Variants in TMPRSS5 observed in about 807,000 individuals in gnomAD.
TMPRSS5 encodes transmembrane protease serine 5.
A neutral mutation model predicts 59.7 loss-of-function variants in TMPRSS5; 45 were observed. That is an observed-to-expected ratio of 0.75 (90% CI 0.59 to 0.97). TMPRSS5 has a LOEUF of 0.97. Among genes scored for constraint, TMPRSS5 ranks in the 50% least tolerant of loss-of-function variants. The pLI is 0.00. For synonymous variants in TMPRSS5, 225 were observed against 232.0 expected (o/e 0.97, Z 0.27); for missense variants, 585 against 596.7 (o/e 0.98, Z 0.20).
At chr11:113,689,678 G>A (rs1388580362) in intron 12 of TMPRSS5, 87 bp downstream of exon 12, 5 of 1,469,036 alleles carry the variant, frequency 3.4e-6, no homozygotes, top group Non-Finnish European at 4.6e-6. Context: ...GTCCCCAGCA[G>A]GGCCCGGGCC....
chr11:113,688,182 C>A lies in TMPRSS5; in HGVS notation c.*78G>T. The A allele has an allele frequency of 6.5e-7, 1 of 1,531,542 alleles. No homozygotes were observed. Among genetic ancestry groups the A allele is most frequent in the South Asian group, 1.3e-5 (1 of 79,412 alleles). The allele number at this position is 1,531,542 out of a possible 1,614,324, so 94.9% of individuals were successfully genotyped here. A position where few individuals can be genotyped will look rare whatever the true frequency, so the allele number is the denominator to read the frequency against. ...TCTGTGTCGGAGGCTACTGCCTCTC[C>A]TCCATTAGTGGAGCTGCTGGAGGCC... is the stretch of plus-strand genomic sequence containing the variant. On this transcript the variant is annotated 3_prime_UTR_variant, in exon 13 of 13. Transcript: ENST00000299882.
chr11:113,699,853 A>G (rs1953075775), intron 2 of TMPRSS5, 160 bp from the exon 3 acceptor site: 1 of 1,415,056 alleles, frequency 7.1e-7, no homozygotes, highest in Admixed American at 2.1e-5. Context: ...GGGGCAGGGG[A>G]GGATGGAGAG....
At chr11:113,697,054 A>T in intron 5 of TMPRSS5, 83 bp from the exon 6 acceptor site, 2 of 1,205,314 alleles carry the variant, frequency 1.7e-6, no homozygotes, top group South Asian at 1.3e-5. Flanking sequence ...TGACCGCAAG[A>T]CTGTGATAAT....
In TMPRSS5 at chr11:113,690,928, C is replaced by A. The variant is rs117055692; in HGVS notation, c.976G>T (p.Ala326Ser). Residue 326 changes from alanine (A) to serine (S), a missense_variant, in exon 10 of 13, where the codon GCT (alanine) becomes TCT (serine). By Grantham distance (99) the Ala-to-Ser change is moderately conservative (BLOSUM62 1). Coordinates refer to ENST00000299882, the MANE Select transcript of TMPRSS5 (RefSeq NM_030770.4). ...TALNFSDTVG[A>S]VCLPAKEQHF... ...TGTTCCTTGGCCGGCAGGCACACAG[C>A]GCCCACAGTGTCTGTAGAGAGGCAC... The A allele has an allele frequency of 1.5e-3, 2,369 of 1,587,408 alleles. 7 individuals carry two copies. Among genetic ancestry groups the A allele is most frequent in the Middle Eastern group, 6.3e-3 (38 of 6,030 alleles).
In TMPRSS5 at chr11:113,688,188, T is replaced by C. The variant is rs1415584030; in HGVS notation, c.*72A>G. 1.7e-5 allele frequency: 26 copies of C among 1,537,932 alleles called. No homozygotes were observed. The Middle Eastern group carries it at 1.2e-3, about 71-fold the overall frequency. On this transcript the variant is annotated 3_prime_UTR_variant, in exon 13 of 13. Coordinates refer to ENST00000299882, the MANE Select transcript of TMPRSS5 (RefSeq NM_030770.4). The stretch of plus-strand genomic sequence containing the variant: ...TCGGAGGCTACTGCCTCTCCTCCAT[T>C]AGTGGAGCTGCTGGAGGCCCCAGGA...
chr11:113,691,892 C>CTTTTTCTTT (rs1952791096), intron 9 of TMPRSS5, among the ~76,000 whole-genome samples: 2 of 121,114 alleles, frequency 1.7e-5, no homozygotes, highest in African/African-American at 7.3e-5. Flanking sequence ...CCTTTTTTTT[C>CTTTTTCTTT]TTTTTTTTTT....
At chr11:113,694,290 T>C (rs2134797278) in intron 8 of TMPRSS5, 188 bp downstream of exon 8, 4 of 430,656 alleles carry the variant, frequency 9.3e-6, no homozygotes, top group East Asian at 3.6e-5. Flanking sequence ...CAAATCTTCA[T>C]ATTATTACTG....
intron 7 of TMPRSS5, among the ~76,000 whole-genome samples, chr11:113,695,090 T>C (rs902238115): frequency 6.6e-6 from 1 of 152,168 alleles, no homozygotes; most frequent in Admixed American, 6.5e-5. Context: ...AATAATAATT[T>C]CACCTCTGGG....
intron 3 of TMPRSS5, among the ~76,000 whole-genome samples, 184 bp from the exon 4 acceptor site, chr11:113,699,211 G>GTCTCTC (rs1221479693): frequency 1.6e-5 from 1 of 62,952 alleles, no homozygotes; most frequent in African/African-American, 5.3e-5. Flanking sequence ...TTGTCTGTCT[G>GTCTCTC]TCTCTCTCTC....
chr11:113,694,740 C>G (rs1281456858), intron 7 of TMPRSS5, 100 bp from the exon 8 acceptor site: 5 of 1,177,238 alleles, frequency 4.2e-6, no homozygotes, highest in Non-Finnish European at 5.8e-6. Context: ...CCCCAGAGAG[C>G]CAGTGTGGAC....
At position 113,700,092 on chromosome 11, in the gene TMPRSS5, G is replaced by A; in HGVS notation, c.80C>T (p.Ala27Val). Residue 27 changes from alanine (A) to valine (V), a missense_variant, in exon 2 of 13, where the codon GCA (alanine) becomes GTA (valine). Physicochemically the swap from Ala to Val is moderately conservative, Grantham distance 64. Transcript: ENST00000299882. ...GGGATGCTGCTGGTCTCCAGGCTCT[G>A]CTCTGAAGATCCCAGGTCCTGGGCC... ...EEGPGPGIFR[A>V]EPGDQQHPIS... The A allele has an allele frequency of 6.4e-7, 1 of 1,574,774 alleles. No homozygotes were observed. The highest frequency in any genetic ancestry group is 8.6e-7 in the Non-Finnish European group (1 of 1,159,686).
chr11:113,689,980 C>A (rs1952719475), intron 11 of TMPRSS5, 63 bp from the exon 12 acceptor site: 1 of 1,455,630 alleles, frequency 6.9e-7, no homozygotes, highest in South Asian at 1.4e-5. Context: ...ATGGAGAGCA[C>A]CAGACCACTA....
chr11:113,694,445 G>T, intron 8 of TMPRSS5, 33 bp downstream of exon 8: 1 of 1,549,432 alleles, frequency 6.5e-7, no homozygotes, highest in Non-Finnish European at 8.7e-7. Context: ...GGGCAACTGA[G>T]GCTCTCTGTC....
chr11:113,696,982 G>A lies in TMPRSS5; in HGVS notation c.465-11C>T, dbSNP rs767092848. The A allele has an allele frequency of 1.3e-6, 2 of 1,542,212 alleles. No homozygotes were observed. The highest frequency in any genetic ancestry group is 2.4e-5 in the South Asian group (2 of 84,294). ...TTGTGGTGAGTGAGTCTTGGCAGAA[G>A]AAGGGAATAGAACAGGAGGAAATCA... is the stretch of plus-strand genomic sequence containing the variant. On this transcript the variant is annotated splice_polypyrimidine_tract_variant and intron_variant, in intron 5 of 12. Transcript: ENST00000299882.
Position 113,689,985 on chromosome 11 carries a change from C to T in TMPRSS5, c.1207-68G>A, listed in dbSNP as rs753001453. On this transcript the variant is annotated intron_variant, in intron 11 of 12. Coordinates refer to ENST00000299882, the MANE Select transcript of TMPRSS5 (RefSeq NM_030770.4). Reference sequence around the variant, plus strand: ...GTTCTTCCTGATGGAGAGCACCAGACCACTATGGCAAGTGGAATCTCCTTA... The same window carrying T: ...GTTCTTCCTGATGGAGAGCACCAGATCACTATGGCAAGTGGAATCTCCTTA... 3.0e-4 allele frequency: 431 copies of T among 1,440,842 alleles called. 4 individuals are homozygous for T. In the Middle Eastern group the frequency reaches 3.9e-3, roughly 13 times the overall value. 89.3% of individuals were successfully genotyped at this position (1,440,842 alleles called of 1,614,324 possible).
intron 6 of TMPRSS5, among the ~76,000 whole-genome samples, chr11:113,696,307 C>G (rs964067556): frequency 7.9e-5 from 12 of 152,148 alleles, no homozygotes; most frequent in Non-Finnish European, 1.8e-4. Context: ...CGCTTGTGCC[C>G]CAGTCATACC....
chr11:113,695,306 A>C, intron 7 of TMPRSS5, 94 bp downstream of exon 7: 1 of 1,402,234 alleles, frequency 7.1e-7, no homozygotes, highest in Non-Finnish European at 1.0e-6. Flanking sequence ...CCCCAGGCCC[A>C]GCAGAGTCTC....
At chr11:113,699,097 A>G in intron 3 of TMPRSS5, 70 bp from the exon 4 acceptor site, 2 of 1,545,122 alleles carry the variant, frequency 1.3e-6, no homozygotes, top group Non-Finnish European at 1.8e-6. Flanking sequence ...CCTCCTCATC[A>G]GCCACCTTGC....
At chr11:113,693,995 C>A (rs776945482) in intron 8 of TMPRSS5, among the ~76,000 whole-genome samples, 1 of 152,204 alleles carries the variant, frequency 6.6e-6, no homozygotes, top group Non-Finnish European at 1.5e-5. Flanking sequence ...AGGCCAGGCA[C>A]GGTGGCTCAC....
Sources: allele counts gnomAD v4.1 joint callset (sites outside exome capture counted in the v4.1 genomes callset), GRCh38; gene constraint gnomAD v4.1.1; transcripts MANE v1.5; gene names NCBI Gene and HGNC (gene_info 2026-07-23, HGNC 2026-07-21).